The following TENM2 variants were observed in gnomAD, a reference collection of about 807,000 sequenced individuals.
The protein encoded by TENM2 is teneurin-2.
Under a neutral mutation model 245.2 loss-of-function variants are expected in TENM2, and 52 were observed. The ratio of observed to expected loss-of-function variants is 0.21; its 90% CI spans 0.17 to 0.27. The LOEUF is 0.27. Among genes scored for constraint, TENM2 ranks in the 10% least tolerant of loss-of-function variants. The pLI is 1.00. For missense variants in TENM2, 3,046 were observed against 3,666.8 expected (o/e 0.83, Z 4.37); for synonymous variants, 1,363 against 1,438.9 (o/e 0.95, Z 1.19).
chr5:168,120,923 A>T (rs1334871301), intron 10 of TENM2, among the ~76,000 whole-genome samples: 2 of 152,142 alleles, frequency 1.3e-5, no homozygotes, highest in African/African-American at 2.4e-5. Flanking sequence ...AAATGAAAGG[A>T]TGTATTCGTG....
the TENM2 span, among the ~76,000 whole-genome samples, chr5:166,986,184 A>G: frequency 6.6e-6 from 1 of 152,302 alleles, no homozygotes; most frequent in East Asian, 1.9e-4. Context: ...CAAGTGAGCA[A>G]TGCAAAGTCC....
chr5:168,114,419 C>G (rs1174030590), intron 9 of TENM2, among the ~76,000 whole-genome samples: 1 of 152,198 alleles, frequency 6.6e-6, no homozygotes, highest in Admixed American at 6.5e-5. Context: ...AATAATGCAG[C>G]TTGCATGATA....
the TENM2 span, among the ~76,000 whole-genome samples, chr5:167,059,875 T>C: frequency 6.6e-6 from 1 of 152,016 alleles, no homozygotes; most frequent in Non-Finnish European, 1.5e-5. Flanking sequence ...GGCTAATTTT[T>C]GTATTGTTAG....
At chr5:167,938,099 T>G (rs1778877184) in intron 3 of TENM2, 1 of 152,200 alleles carries the variant, frequency 6.6e-6, no homozygotes, top group Admixed American at 6.5e-5. Flanking sequence ...TATCTAGAAT[T>G]AAACACAAAA....
intron 13 of TENM2, 81 bp from the exon 16 acceptor site, chr5:168,190,256 C>T (rs879492318): frequency 2.1e-5 from 23 of 1,083,670 alleles, no homozygotes; most frequent in African/African-American, 4.6e-5. Flanking sequence ...CATGCCTGTG[C>T]TGGTAACAAA....
chr5:167,134,712 G>T, the TENM2 span, among the ~76,000 whole-genome samples: 3 of 152,166 alleles, frequency 2.0e-5, no homozygotes, highest in African/African-American at 7.2e-5. Flanking sequence ...GACAAACACA[G>T]TTCTCGTTGG....
intron 2 of TENM2, among the ~76,000 whole-genome samples, chr5:167,769,942 G>T (rs192517882): frequency 1.3e-5 from 2 of 152,188 alleles, no homozygotes; most frequent in African/African-American, 4.8e-5. Context: ...AGAGTTTGTT[G>T]TTCACTAAAT....
At chr5:167,309,454 T>C (rs576785608) in intron 1 of TENM2, among the ~76,000 whole-genome samples, 52 of 152,300 alleles carry the variant, frequency 3.4e-4, no homozygotes, top group African/African-American at 1.2e-3. Context: ...GTTTATTCGT[T>C]AAGCCAAGGA....
Position 168,247,961 on chromosome 5 carries a change from C to T in TENM2, c.7022C>T (p.Ser2341Leu), listed in dbSNP as rs763926465. 11 of 1,613,824 alleles carry T rather than the reference C, an allele frequency of 6.8e-6. No homozygotes were observed. Among genetic ancestry groups the T allele is most frequent in the East Asian group, 4.5e-5 (2 of 44,890 alleles). The change falls in exon 27 of 29, where the codon TCG becomes TTG. Residue 2341 changes from serine to leucine, a missense_variant. Transcript: ENST00000518659. This position sits in a 1 kb window ranked among gnomAD's most constrained non-coding sequence, Gnocchi z 7.8. ...ACCCATGTCTACAATCACTCCAACT[C>T]GGAGATTACCTCACTGTACTACGAC...
chr5:167,350,765 T>TAAATATATATGGGATATATACATACGG lies in TENM2; in HGVS notation c.227-24432_227-24431insAATATATATGGGATATATACATACGGA, dbSNP rs1758824527. Among the ~76,000 whole-genome samples, 11 of 132,404 alleles carry TAAATATATATGGGATATATACATACGG rather than the reference T, an allele frequency of 8.3e-5. 1 individual carries two copies. Among genetic ancestry groups the TAAATATATATGGGATATATACATACGG allele is most frequent in the African/African-American group, 1.5e-4 (5 of 34,154 alleles). The allele number at this position is 132,404 out of a possible 152,430, so 86.9% of individuals were successfully genotyped here. On this transcript the variant is annotated intron_variant, in intron 1 of 28. Transcript: ENST00000518659. ...TATATATGGGATATATACATATGGA[T>TAAATATATATGGGATATATACATACGG]ATATATATATGGGATATATACATAT...
chr5:168,243,164 G>A (rs1766261500), intron 25 of TENM2, among the ~76,000 whole-genome samples: 1 of 152,098 alleles, frequency 6.6e-6, no homozygotes, highest in Non-Finnish European at 1.5e-5. Flanking sequence ...GTGAGAGCCT[G>A]GGCTGAGTCT....
chr5:167,431,479 A>G (rs1472535418), intron 2 of TENM2, among the ~76,000 whole-genome samples: 1 of 152,176 alleles, frequency 6.6e-6, no homozygotes, highest in Non-Finnish European at 1.5e-5. Context: ...TAAAAATGAG[A>G]GTACTTCTTA....
chr5:167,108,976 G>A, the TENM2 span, among the ~76,000 whole-genome samples: 1 of 152,158 alleles, frequency 6.6e-6, no homozygotes, highest in Admixed American at 6.5e-5. Flanking sequence ...TACAGAGATT[G>A]TTCCAAAGCT....
chr5:167,673,399 C>G (rs1403740732), intron 2 of TENM2, among the ~76,000 whole-genome samples: 1 of 152,192 alleles, frequency 6.6e-6, no homozygotes, highest in Non-Finnish European at 1.5e-5. Context: ...GCTCAGTACT[C>G]AGTGAGAAGG....
At chr5:167,101,702 A>G in the TENM2 span, among the ~76,000 whole-genome samples, 1 of 151,304 alleles carries the variant, frequency 6.6e-6, no homozygotes, top group African/African-American at 2.4e-5. Context: ...GTGAAACCCC[A>G]GGCCACATGT....
chr5:167,355,308 G>T (rs1759237661), intron 1 of TENM2, among the ~76,000 whole-genome samples: 1 of 152,106 alleles, frequency 6.6e-6, no homozygotes, highest in African/African-American at 2.4e-5. Flanking sequence ...AGCCTTTGTG[G>T]GGTGTGTTTC....
At chr5:167,467,451 C>T (rs1363178029) in intron 2 of TENM2, among the ~76,000 whole-genome samples, 1 of 149,942 alleles carries the variant, frequency 6.7e-6, no homozygotes, top group Non-Finnish European at 1.5e-5. Context: ...ATATACTCAC[C>T]TTAGGTAAAA....
chr5:167,592,681 G>A (rs1190414004), intron 2 of TENM2, among the ~76,000 whole-genome samples: 1 of 152,080 alleles, frequency 6.6e-6, no homozygotes, highest in African/African-American at 2.4e-5. Flanking sequence ...ACTTAAATTT[G>A]AAAGCTTTTG....
intron 10 of TENM2, among the ~76,000 whole-genome samples, chr5:168,124,025 C>T (rs566975352): frequency 9.5e-4 from 145 of 152,324 alleles, no homozygotes; most frequent in Non-Finnish European, 1.5e-3. Flanking sequence ...ATTCAAGTTA[C>T]GTACTGGATG....
Sources: gnomAD v4.1 joint callset for allele counts (sites outside exome capture counted in the v4.1 genomes callset) on GRCh38, gnomAD v4.1.1 for gene constraint, Gnocchi (gnomAD v3.1) non-coding constraint, MANE v1.5 for transcripts, NCBI Gene and HGNC (gene_info 2026-07-23, HGNC 2026-07-21) for gene names.